The following RIN3 variants were observed in gnomAD, a reference collection of about 807,000 sequenced individuals.
The protein encoded by RIN3 is Ras and Rab interactor 3.
A neutral mutation model predicts 76.3 loss-of-function variants in RIN3; 54 were observed. The observed-to-expected ratio is 0.71, with a 90% CI of 0.57 to 0.89. RIN3 has a LOEUF of 0.89. Among genes scored for constraint, RIN3 ranks in the 40% least tolerant of loss-of-function variants. The pLI, the probability that RIN3 is intolerant of heterozygous loss-of-function variation, is 0.00. For missense variants in RIN3, 1,256 were observed against 1,322.1 expected (o/e 0.95, Z 0.78); for synonymous variants, 576 against 564.0 (o/e 1.02, Z -0.30).
At chr14:92,552,494 C>G (rs974235955) in intron 1 of RIN3, among the ~76,000 whole-genome samples, 5 of 152,244 alleles carry the variant, frequency 3.3e-5, no homozygotes, top group East Asian at 1.9e-4. Flanking sequence ...GATTTAGGGC[C>G]AATGCTCCCT....
rs1887114654 is a variant in RIN3 at position 92,644,246 on chromosome 14, G to T, written c.532+2917G>T. Among the ~76,000 whole-genome samples the T allele has an allele frequency of 2.0e-5, 3 of 152,162 alleles. No homozygotes were observed. The South Asian group carries it at 6.2e-4, about 32-fold the overall frequency. On this transcript the variant is annotated intron_variant, in intron 5 of 9. Transcript: ENST00000216487. ...AATGGCCAGTTTGCAGGCCATGTTG[G>T]TAGAGTAAGTGAGATGCATGGCCTC...
chr14:92,673,099 G>A (rs1016135648), intron 7 of RIN3, among the ~76,000 whole-genome samples: 7 of 151,736 alleles, frequency 4.6e-5, no homozygotes, highest in Admixed American at 1.3e-4. Flanking sequence ...TGGGCAACAC[G>A]GCAAAACCCT....
intron 2 of RIN3, 96 bp downstream of exon 2, chr14:92,556,051 C>G (rs1283354818): frequency 4.1e-6 from 4 of 984,170 alleles, no homozygotes; most frequent in Non-Finnish European, 6.2e-6. Flanking sequence ...GAAGCAGCTA[C>G]CATGCAGATG....
At chr14:92,537,034 A>G (rs1224764839) in intron 1 of RIN3, among the ~76,000 whole-genome samples, 1 of 152,126 alleles carries the variant, frequency 6.6e-6, no homozygotes, top group Admixed American at 6.5e-5. Flanking sequence ...AAAAAGATGT[A>G]CAGTGAAGAA....
intron 1 of RIN3, among the ~76,000 whole-genome samples, chr14:92,533,111 T>A (rs1477201794): frequency 6.6e-6 from 1 of 152,222 alleles, no homozygotes; most frequent in South Asian, 2.1e-4. Context: ...TCTTTATTTC[T>A]TTTTTCCTTC....
At chr14:92,591,989 G>A (rs537124726) in intron 3 of RIN3, among the ~76,000 whole-genome samples, 1 of 152,250 alleles carries the variant, frequency 6.6e-6, no homozygotes, top group Admixed American at 6.5e-5. Context: ...GGAAATAATG[G>A]CAATAGTATA....
chr14:92,652,426 G>A lies in RIN3; in HGVS notation c.1377G>A (p.Pro459=), dbSNP rs756244202. The A allele has an allele frequency of 6.8e-5, 110 of 1,613,150 alleles. No individual in the cohort carries two copies. Among genetic ancestry groups the A allele is most frequent in the South Asian group, 6.6e-5 (6 of 91,036 alleles). The change falls in exon 6 of 10, where the codon CCG becomes CCA. Residue 459 remains proline (P), a synonymous_variant. Coordinates refer to ENST00000216487, the MANE Select transcript of RIN3 (RefSeq NM_024832.5). The surrounding 1 kb of genome is among the most constrained non-coding windows in gnomAD (Gnocchi z 6.4). The part of the protein sequence containing the change: ...LPRTAKQPPV[P]PPRKKRISRQ... ...GGACAGCCAAACAACCCCCAGTCCC[G>A]CCCCCCAGGAAAAAACGGATCTCTC...
chr14:92,520,408 G>T (rs1339530534), intron 1 of RIN3, among the ~76,000 whole-genome samples: 1 of 152,168 alleles, frequency 6.6e-6, no homozygotes. Flanking sequence ...TCCTCGAGGG[G>T]CTGCCCTAGG....
In RIN3 at chr14:92,557,090, G is replaced by C. The variant is rs367663719; in HGVS notation, c.249+1135G>C. On this transcript the variant is annotated intron_variant, in intron 2 of 9. Coordinates refer to ENST00000216487, the MANE Select transcript of RIN3 (RefSeq NM_024832.5). Reference sequence around the variant, plus strand: ...TCCGAAGTCACGTTGCATGCGGTACGTCTGTCTGCACATTTTCCATGCATA... The same window carrying C: ...TCCGAAGTCACGTTGCATGCGGTACCTCTGTCTGCACATTTTCCATGCATA... 1.2e-4 allele frequency among the ~76,000 whole-genome samples: 19 copies of C among 152,284 alleles called. No individual in the cohort carries two copies. The South Asian group carries it at 2.7e-3, about 22-fold the overall frequency.
intron 1 of RIN3, among the ~76,000 whole-genome samples, chr14:92,539,794 C>T (rs1035081152): frequency 1.3e-5 from 2 of 152,016 alleles, no homozygotes; most frequent in African/African-American, 4.8e-5. Flanking sequence ...TGGGGGTGTA[C>T]AGGGTTTGCA....
chr14:92,627,571 C>T (rs971719188), intron 4 of RIN3, among the ~76,000 whole-genome samples: 4 of 152,246 alleles, frequency 2.6e-5, no homozygotes, highest in African/African-American at 4.8e-5. Context: ...AATACTTCAC[C>T]GCCCCCACAG....
chr14:92,549,056 T>A (rs1244330297), intron 1 of RIN3, among the ~76,000 whole-genome samples: 1 of 152,148 alleles, frequency 6.6e-6, no homozygotes, highest in East Asian at 1.9e-4. Flanking sequence ...CTCATGGTGC[T>A]TTGTCTGGAG....
At chr14:92,634,735 G>A (rs142110454) in intron 4 of RIN3, among the ~76,000 whole-genome samples, 157 of 152,004 alleles carry the variant, frequency 1.0e-3, no homozygotes, top group African/African-American at 3.6e-3. Flanking sequence ...GCAGTCACCT[G>A]TAATTCCAGC....
intron 4 of RIN3, among the ~76,000 whole-genome samples, chr14:92,620,491 A>G (rs375586305): frequency 7.2e-5 from 11 of 152,228 alleles, no homozygotes; most frequent in South Asian, 6.2e-4. Context: ...TCTGGGCCCG[A>G]CAAAGGTAGC....
chr14:92,604,233 C>G (rs1169575241), intron 3 of RIN3, among the ~76,000 whole-genome samples: 1 of 152,244 alleles, frequency 6.6e-6, no homozygotes, highest in Non-Finnish European at 1.5e-5. Context: ...CAGGCGCCCC[C>G]CCTCCCACTC....
At chr14:92,666,173 T>C (rs1322959132) in intron 7 of RIN3, among the ~76,000 whole-genome samples, 1 of 151,940 alleles carries the variant, frequency 6.6e-6, no homozygotes, top group Admixed American at 6.6e-5. Flanking sequence ...CCAGGGAAGA[T>C]GCCTCACCCA....
chr14:92,556,082 T>G (rs1006310418), intron 2 of RIN3, 127 bp downstream of exon 2: 1 of 788,074 alleles, frequency 1.3e-6, no homozygotes, highest in Non-Finnish European at 2.0e-6. Flanking sequence ...TATTTCCCTT[T>G]CCTACATTTG....
intron 5 of RIN3, 73 bp from the exon 6 acceptor site, chr14:92,651,509 C>CA: frequency 4.0e-6 from 4 of 1,000,762 alleles, no homozygotes; most frequent in Non-Finnish European, 5.8e-6. Context: ...ACCCCGCCCA[C>CA]AGACCCCGCC....
At chr14:92,625,973 T>A (rs956593578) in intron 4 of RIN3, among the ~76,000 whole-genome samples, 3 of 152,214 alleles carry the variant, frequency 2.0e-5, no homozygotes, top group African/African-American at 7.2e-5. Flanking sequence ...TGACAAAATG[T>A]AGCTTTAATA....
Sources: gnomAD v4.1 joint callset for allele counts (sites outside exome capture counted in the v4.1 genomes callset) on GRCh38, gnomAD v4.1.1 for gene constraint, Gnocchi (gnomAD v3.1) non-coding constraint, MANE v1.5 for transcripts, NCBI Gene and HGNC (gene_info 2026-07-23, HGNC 2026-07-21) for gene names.